TCEA2: variants seen among roughly 807,000 people sequenced by gnomAD.
TCEA2 encodes the protein transcription elongation factor A protein 2.
TCEA2 carries 21 observed loss-of-function variants against 40.8 expected under a neutral mutation model. That is an observed-to-expected ratio of 0.51 (90% CI 0.36 to 0.74). TCEA2 has a LOEUF of 0.74. Ranked by LOEUF, TCEA2 falls within the 30% of genes least tolerant of loss-of-function variation. The pLI is 0.00. For synonymous variants in TCEA2, 165 were observed against 162.7 expected (o/e 1.01, Z -0.11); for missense variants, 326 against 426.5 (o/e 0.76, Z 2.08).
At chr20:64,056,233 A>G (rs983329557), upstream of TCEA2, among the ~76,000 whole-genome samples, 2 of 151,978 alleles carry the variant, frequency 1.3e-5, no homozygotes, top group Non-Finnish European at 2.9e-5. Context: ...TTCCCATTCT[A>G]CAGACTGGGC....
At chr20:64,065,048 G>A (rs1005344382) in intron 1 of TCEA2, among the ~76,000 whole-genome samples, 1 of 152,122 alleles carries the variant, frequency 6.6e-6, no homozygotes, top group Admixed American at 6.5e-5. Context: ...GGGGAGGCGG[G>A]CGCTGTGCAG....
At chr20:64,067,388 G>A (rs1462963543) in intron 3 of TCEA2, among the ~76,000 whole-genome samples, 4 of 152,198 alleles carry the variant, frequency 2.6e-5, no homozygotes, top group East Asian at 1.9e-4. Flanking sequence ...GGGAAGTGCC[G>A]GGAGAGGGGA....
intron 8 of TCEA2, 97 bp downstream of exon 8, chr20:64,070,732 G>GA: frequency 1.4e-6 from 2 of 1,434,484 alleles, no homozygotes; most frequent in Non-Finnish European, 1.8e-6. Context: ...TCTGCTGCAT[G>GA]AATTTCCCGA....
rs930751771 is a variant in TCEA2, at chr20:64,058,112, G to A, written c.-84+461G>A. On this transcript the variant is annotated intron_variant, in intron 1 of 10. Transcript: ENST00000361317. This position sits in a 1 kb window ranked among gnomAD's most constrained non-coding sequence, Gnocchi z 6.7. ...GCAGGACTAGAGCATGTCAGGGTTC[G>A]GGGCTCCTGTCATAGCGGAGTGGCT... 1.3e-5 allele frequency among the ~76,000 whole-genome samples: 2 copies of A among 152,228 alleles called. No homozygotes were observed. The highest frequency in any genetic ancestry group is 2.9e-5 in the Non-Finnish European group (2 of 68,030).
rs1236552068 is a variant in TCEA2 at position 64,070,483 on chromosome 20, C to T, written c.673-6C>T. 1.9e-6 allele frequency: 3 copies of T among 1,613,602 alleles called. No individual in the cohort carries two copies. The highest frequency in any genetic ancestry group is 1.1e-5 in the South Asian group (1 of 91,088). On this transcript the variant is annotated splice_region_variant and splice_polypyrimidine_tract_variant and intron_variant, in intron 7 of 9. Coordinates refer to ENST00000343484, the MANE Select transcript of TCEA2 (RefSeq NM_003195.6). ...GGTGGGCTAAGCCACTGGCCCCGTG[C>T]TCCAGGAGATGGCCAGTGATGAGCT...
chr20:64,061,778 G>A (rs1308356784), upstream of TCEA2, among the ~76,000 whole-genome samples: 1 of 152,132 alleles, frequency 6.6e-6, no homozygotes. Context: ...GCCAGGGCTG[G>A]AGTGCAATGG....
chr20:64,065,027 G>T (rs948247287), intron 1 of TCEA2, among the ~76,000 whole-genome samples: 4 of 152,256 alleles, frequency 2.6e-5, no homozygotes, highest in African/African-American at 9.6e-5. Flanking sequence ...AGCCCCAGGG[G>T]AGAATGAGGA....
chr20:64,055,943 A>AC (rs1166173069), upstream of TCEA2, among the ~76,000 whole-genome samples: 1 of 151,850 alleles, frequency 6.6e-6, no homozygotes, highest in Non-Finnish European at 1.5e-5. This position sits in a 1 kb window ranked among gnomAD's most constrained non-coding sequence, Gnocchi z 4.0. Flanking sequence ...TCTAGGCTTC[A>AC]CCCATAGCCC....
intron 4 of TCEA2, among the ~76,000 whole-genome samples, chr20:64,069,090 G>T (rs1278352665): frequency 6.6e-6 from 1 of 152,222 alleles, no homozygotes; most frequent in Non-Finnish European, 1.5e-5. Flanking sequence ...CTGACTGCTG[G>T]GTCTGGGATC....
At chr20:64,060,425 C>T (rs2059539695), upstream of TCEA2, among the ~76,000 whole-genome samples, 1 of 152,366 alleles carries the variant, frequency 6.6e-6, no homozygotes, top group Admixed American at 6.5e-5. Flanking sequence ...CGAAGCCAAA[C>T]TTTCTGGGGT....
chr20:64,057,819 C>T (rs372121399), intron 1 of TCEA2, among the ~76,000 whole-genome samples: 3 of 152,222 alleles, frequency 2.0e-5, no homozygotes, highest in South Asian at 2.1e-4. Context: ...TGGCCACCTT[C>T]TCACCTCGGC....
chr20:64,067,843 A>C (rs1368761415), intron 3 of TCEA2, among the ~76,000 whole-genome samples: 3 of 152,160 alleles, frequency 2.0e-5, no homozygotes, highest in Admixed American at 6.5e-5. Context: ...AGAGATGGAC[A>C]GGTTGCTGGG....
chr20:64,063,333 G>A lies in TCEA2; in HGVS notation c.21G>A (p.Glu7=). 6 of 1,549,330 alleles carry A rather than the reference G, an allele frequency of 3.9e-6. No homozygotes were observed. Among genetic ancestry groups the A allele is most frequent in the Non-Finnish European group, 4.4e-6 (5 of 1,147,166 alleles). Residue 7 remains glutamate, a synonymous_variant, in exon 1 of 10, where the codon GAG becomes GAA. Transcript: ENST00000343484. ...AGGCGATGATGGGCAAGGAAGAGGA[G>A]ATTGCGCGGATCGCCCGGAGGCTGG... MMGKEE[E]IARIARRLDK...
At chr20:64,063,034 T>C, upstream of TCEA2, 1 of 230,994 alleles carries the variant, frequency 4.3e-6, no homozygotes, top group Non-Finnish European at 8.3e-6. Context: ...CGACGGTGGG[T>C]CAGGACTACA....
rs1444105860 is a variant in TCEA2 at position 64,063,656 on chromosome 20, C to T, written c.72+272C>T. 69 of 502,670 alleles carry T rather than the reference C, an allele frequency of 1.4e-4. No homozygotes were observed. In the East Asian group the frequency reaches 2.3e-3, roughly 17 times the overall value. The allele number at this position is 502,670 out of a possible 1,614,324, so 31.1% of individuals were successfully genotyped here. A position where few individuals can be genotyped will look rare whatever the true frequency, so the allele number is the denominator to read the frequency against. Reference sequence around the variant, plus strand: ...AGCCACCCGCTCTGGACTCAGACCCCTCCCTCGCCCGCAGTCACAGGCTCC... The same window carrying T: ...AGCCACCCGCTCTGGACTCAGACCCTTCCCTCGCCCGCAGTCACAGGCTCC... On this transcript the variant is annotated intron_variant, in intron 1 of 9. Transcript: ENST00000343484.
At chr20:64,058,874 C>G (rs542370139), upstream of TCEA2, among the ~76,000 whole-genome samples, 1 of 152,116 alleles carries the variant, frequency 6.6e-6, no homozygotes, top group Non-Finnish European at 1.5e-5. This position sits in a 1 kb window ranked among gnomAD's most constrained non-coding sequence, Gnocchi z 6.7. Flanking sequence ...ACGAACGACA[C>G]CTTTCTGCTA....
intron 3 of TCEA2, 120 bp from the exon 4 acceptor site, chr20:64,067,927 G>T: frequency 1.4e-6 from 1 of 720,658 alleles, no homozygotes. Flanking sequence ...GAGGGGCTGG[G>T]GGCGGGGGCT....
At chr20:64,068,802 G>A (rs2059756332) in intron 4 of TCEA2, among the ~76,000 whole-genome samples, 1 of 152,276 alleles carries the variant, frequency 6.6e-6, no homozygotes. Flanking sequence ...GATGCAGCCT[G>A]GTCGTTGGGC....
upstream of TCEA2, among the ~76,000 whole-genome samples, chr20:64,059,377 C>T (rs1035700057): frequency 5.9e-5 from 9 of 152,062 alleles, no homozygotes; most frequent in African/African-American, 1.9e-4. Flanking sequence ...CCCACCCCAT[C>T]GTCTCTATAG....
Sources: allele counts gnomAD v4.1 joint callset (sites outside exome capture counted in the v4.1 genomes callset), GRCh38; gene constraint gnomAD v4.1.1; non-coding constraint Gnocchi (gnomAD v3.1); transcripts MANE v1.5; gene names NCBI Gene and HGNC (gene_info 2026-07-23, HGNC 2026-07-21).